The following MED27 variants were observed in gnomAD, a reference collection of about 807,000 sequenced individuals.
MED27 encodes mediator of RNA polymerase II transcription subunit 27.
A neutral mutation model predicts 38.2 loss-of-function variants in MED27; 30 were observed. The ratio of observed to expected loss-of-function variants is 0.79; its 90% confidence interval spans 0.59 to 1.07. MED27 has a LOEUF of 1.07. Ranked by LOEUF, MED27 falls within the 50% of genes least tolerant of loss-of-function variation. The pLI is 0.00. For missense variants in MED27, 289 were observed against 397.5 expected, an observed-to-expected ratio of 0.73 and a Z score of 2.32; for synonymous variants, 122 against 153.5, an observed-to-expected ratio of 0.79 and a Z score of 1.52.
chr9:131,969,792 G>A (rs1368716632), intron 3 of MED27, among the ~76,000 whole-genome samples: 1 of 152,186 alleles, frequency 6.6e-6, no homozygotes, highest in South Asian at 2.1e-4. Flanking sequence ...ATCTGATGGA[G>A]CCAGCATAAT....
intron 4 of MED27, among the ~76,000 whole-genome samples, chr9:131,921,464 A>G (rs1226316674): frequency 6.7e-6 from 1 of 149,448 alleles, no homozygotes; most frequent in African/African-American, 2.5e-5. Context: ...GCAAATCAAA[A>G]CCACAATGAG....
intron 2 of MED27, 123 bp from the exon 3 acceptor site, chr9:132,014,590 T>C (rs1296766587): frequency 2.1e-6 from 2 of 949,494 alleles, no homozygotes; most frequent in African/African-American, 3.3e-5. Context: ...TAACTTCAAA[T>C]ACAACTGCTC....
At chr9:132,071,755 C>T (rs1169107843) in intron 2 of MED27, among the ~76,000 whole-genome samples, 6 of 151,644 alleles carry the variant, frequency 4.0e-5, no homozygotes, top group Admixed American at 6.6e-5. Flanking sequence ...TGAACGAGCA[C>T]ACATGCATAC....
Position 132,003,412 on chromosome 9 carries a change from G to A in MED27, c.479+10925C>T, listed in dbSNP as rs1341943487. Among the ~76,000 whole-genome samples, 1 of 152,140 alleles carries A rather than the reference G, an allele frequency of 6.6e-6. No individual in the cohort carries two copies. On this transcript the variant is annotated intron_variant, in intron 3 of 7. Transcript: ENST00000292035. This position sits in a 1 kb window ranked among gnomAD's most constrained non-coding sequence, Gnocchi z 4.2. ...GGTTTTAAATTTTAGTCTATGTCAC[G>A]ATGGGTCTGAGACAAACCCAGGTCA... is the stretch of plus-strand genomic sequence containing the variant.
chr9:132,047,983 AT>A (rs1833379263), intron 2 of MED27, among the ~76,000 whole-genome samples: 1 of 152,196 alleles, frequency 6.6e-6, no homozygotes, highest in Admixed American at 6.5e-5. Flanking sequence ...TGTGGGAGTT[AT>A]TTATATCCTA....
chr9:131,869,970 TAGGG>T (rs1248567728), intron 6 of MED27, among the ~76,000 whole-genome samples: 1 of 151,952 alleles, frequency 6.6e-6, no homozygotes, highest in Non-Finnish European at 1.5e-5. Flanking sequence ...GAATGGAGCT[TAGGG>T]AGGGAGTAGG....
At chr9:131,870,350 G>A (rs1490270524) in intron 6 of MED27, among the ~76,000 whole-genome samples, 1 of 152,188 alleles carries the variant, frequency 6.6e-6, no homozygotes. Context: ...CCGATGCAGG[G>A]ACAGTGCACT....
At position 132,077,526 on chromosome 9, in the gene MED27, G is replaced by A; in HGVS notation, c.264C>T (p.Asn88=). ...CAGGATCCAGGCTTAACAGCCCACT[G>A]TTATGAAGAGGATGGTTCTCAGATG... ...GKPSENHPLH[N]SGLLSLDPVQ... Residue 88 remains asparagine, a synonymous_variant, in exon 2 of 8, where the codon AAC becomes AAT. Coordinates refer to ENST00000292035, the MANE Select transcript of MED27 (RefSeq NM_004269.4). The A allele has an allele frequency of 6.2e-7, 1 of 1,614,124 alleles. No homozygotes were observed. The highest frequency in any genetic ancestry group is 8.5e-7 in the Non-Finnish European group (1 of 1,179,994).
intron 3 of MED27, among the ~76,000 whole-genome samples, chr9:131,986,974 C>T (rs148146328): frequency 1.6e-4 from 21 of 132,812 alleles, no homozygotes; most frequent in African/African-American, 5.8e-4. Flanking sequence ...AAGAAAGACT[C>T]ATGGGCCTTT....
At chr9:132,012,112 A>G (rs980145389) in intron 3 of MED27, among the ~76,000 whole-genome samples, 1 of 152,228 alleles carries the variant, frequency 6.6e-6, no homozygotes, top group African/African-American at 2.4e-5. Flanking sequence ...TTGTCAAGAG[A>G]GAGTTAGCAA....
intron 4 of MED27, among the ~76,000 whole-genome samples, chr9:131,926,224 G>A (rs946297425): frequency 2.0e-5 from 3 of 152,250 alleles, no homozygotes; most frequent in Non-Finnish European, 4.4e-5. Context: ...ACGCCGAACA[G>A]TGCCTAGAAC....
At chr9:131,983,032 T>C (rs1034526176) in intron 3 of MED27, among the ~76,000 whole-genome samples, 9 of 152,330 alleles carry the variant, frequency 5.9e-5, no homozygotes, top group African/African-American at 1.4e-4. Context: ...CAGGAGACCA[T>C]GCTGCTGATC....
intron 4 of MED27, among the ~76,000 whole-genome samples, chr9:131,898,877 G>A (rs114655384): frequency 1.3e-5 from 2 of 152,164 alleles, no homozygotes; most frequent in African/African-American, 2.4e-5. Flanking sequence ...GAGCCACTGC[G>A]CCCGGCCTGG....
At position 131,887,958 on chromosome 9, in the gene MED27, A is replaced by G. The variant is rs72761678; in HGVS notation, c.682-3859T>C. ...TGAAAACAAACCTTGCAGATGACCA[A>G]TTGCTTCAGCACAGACACGTCTGTT... On this transcript the variant is annotated intron_variant, in intron 5 of 7. Transcript: ENST00000292035. 5.1e-3 allele frequency among the ~76,000 whole-genome samples: 773 copies of G among 152,280 alleles called. 3 individuals carry two copies. Among genetic ancestry groups the G allele is most frequent in the Non-Finnish European group, 8.8e-3 (600 of 68,018 alleles).
At chr9:131,960,907 G>A (rs1831201872) in intron 3 of MED27, among the ~76,000 whole-genome samples, 1 of 152,198 alleles carries the variant, frequency 6.6e-6, no homozygotes. Context: ...AGGAAACACT[G>A]AGGTTAAATA....
At chr9:131,980,357 C>T (rs974419911) in intron 3 of MED27, among the ~76,000 whole-genome samples, 2 of 151,998 alleles carry the variant, frequency 1.3e-5, no homozygotes, top group Admixed American at 6.5e-5. Flanking sequence ...CAGAACACAC[C>T]GGATTCTGAT....
At position 131,997,679 on chromosome 9, in the gene MED27, G is replaced by A. The variant is rs904687117; in HGVS notation, c.479+16658C>T. On this transcript the variant is annotated intron_variant, in intron 3 of 7. Transcript: ENST00000292035. This position sits in a 1 kb window ranked among gnomAD's most constrained non-coding sequence, Gnocchi z 4.0. ...TAATCCTCTGCCTTGTACTACAGCT[G>A]AGACATACAGATTCCGGGTTCTCTG... is the stretch of plus-strand genomic sequence containing the variant. Among the ~76,000 whole-genome samples the A allele has an allele frequency of 2.0e-5, 3 of 152,180 alleles. No homozygotes were observed. Among genetic ancestry groups the A allele is most frequent in the African/African-American group, 4.8e-5 (2 of 41,418 alleles).
chr9:132,026,579 A>G (rs1832824079), intron 2 of MED27, among the ~76,000 whole-genome samples: 1 of 152,200 alleles, frequency 6.6e-6, no homozygotes, highest in Admixed American at 6.5e-5. Context: ...CTACGTGAGC[A>G]TTCAATAAAA....
chr9:131,966,383 C>CAAAAAAAAAAAAAAAAAAAAAAAAA lies in MED27; in HGVS notation c.480-26910_480-26909insTTTTTTTTTTTTTTTTTTTTTTTTT, dbSNP rs749607968. Among the ~76,000 whole-genome samples the CAAAAAAAAAAAAAAAAAAAAAAAAA allele has an allele frequency of 4.1e-3, 149 of 36,724 alleles. 28 individuals are homozygous for CAAAAAAAAAAAAAAAAAAAAAAAAA. The highest frequency in any genetic ancestry group is 0.012 in the African/African-American group (77 of 6,258). 24.1% of individuals were successfully genotyped at this position (36,724 alleles called of 152,430 possible). On this transcript the variant is annotated intron_variant, in intron 3 of 7. Transcript: ENST00000292035. ...CAGGCAAAAGAGCCAGACCCTGTCA[C>CAAAAAAAAAAAAAAAAAAAAAAAAA]AAAAAAAAAAAAAAAAAGGAAAGGA...
Sources: gnomAD v4.1 joint callset for allele counts (sites outside exome capture counted in the v4.1 genomes callset) on GRCh38, gnomAD v4.1.1 for gene constraint, Gnocchi (gnomAD v3.1) non-coding constraint, MANE v1.5 for transcripts, NCBI Gene and HGNC (gene_info 2026-07-23, HGNC 2026-07-21) for gene names.